Variants in NELL1 observed in about 807,000 individuals in gnomAD.
NELL1 encodes neural EGFL like 1.
Under a neutral mutation model 107.4 loss-of-function variants are expected in NELL1, and 76 were observed. The observed-to-expected ratio is 0.71, with a 90% confidence interval of 0.59 to 0.86. The LOEUF is 0.86. NELL1 is among the 40% of genes least tolerant of loss of function. The probability of loss-of-function intolerance (pLI) is 0.00; values close to 1 mark genes in which losing one functional copy is unlikely to be tolerated. For synonymous variants in NELL1, 353 were observed against 341.2 expected (o/e 1.03, Z -0.38); for missense variants, 1,024 against 1,005.5 (o/e 1.02, Z -0.25).
chr11:21,193,442 G>A (rs985826563), intron 13 of NELL1, among the ~76,000 whole-genome samples: 2 of 151,582 alleles, frequency 1.3e-5, no homozygotes, highest in African/African-American at 4.9e-5. Context: ...TATATATAAG[G>A]CATTTTGTCA....
chr11:20,803,434 T>G (rs1762885124), intron 3 of NELL1, among the ~76,000 whole-genome samples: 2 of 152,198 alleles, frequency 1.3e-5, no homozygotes, highest in South Asian at 4.1e-4. Context: ...ATTTGTTATC[T>G]CTTTTTTCTC....
intron 2 of NELL1, among the ~76,000 whole-genome samples, chr11:20,733,821 T>C (rs966498120): frequency 2.6e-5 from 4 of 152,236 alleles, no homozygotes; most frequent in Non-Finnish European, 5.9e-5. Context: ...TTACTAGTTA[T>C]TGTTTTAGGT....
chr11:21,002,370 A>G (rs1457196586), intron 12 of NELL1, among the ~76,000 whole-genome samples: 1 of 152,208 alleles, frequency 6.6e-6, no homozygotes, highest in East Asian at 1.9e-4. Flanking sequence ...TCTTTGGTAA[A>G]TATTATGCCT....
chr11:21,435,612 T>C (rs1011813050), intron 15 of NELL1, among the ~76,000 whole-genome samples: 1 of 152,196 alleles, frequency 6.6e-6, no homozygotes, highest in African/African-American at 2.4e-5. Context: ...ATGTTCTTCA[T>C]TCTGTTGATC....
intron 12 of NELL1, among the ~76,000 whole-genome samples, chr11:20,974,439 G>A (rs1014584425): frequency 4.0e-5 from 6 of 151,338 alleles, no homozygotes; most frequent in Admixed American, 6.6e-5. Context: ...CCTATAAGAC[G>A]ATCCAGAGGA....
At chr11:21,372,670 A>C (rs937232158) in intron 15 of NELL1, among the ~76,000 whole-genome samples, 1 of 151,898 alleles carries the variant, frequency 6.6e-6, no homozygotes, top group Non-Finnish European at 1.5e-5. Flanking sequence ...CACCTCTCCA[A>C]ACTAGATGGA....
At chr11:21,362,823 T>C (rs34252255) in intron 14 of NELL1, among the ~76,000 whole-genome samples, 72,408 of 151,556 alleles carry the variant, frequency 0.48, 17,433 homozygotes, top group Middle Eastern at 0.54. Flanking sequence ...ACGCAAGTCT[T>C]GGCTCAGACT....
intron 2 of NELL1, among the ~76,000 whole-genome samples, chr11:20,722,614 T>C: frequency 6.6e-6 from 1 of 152,282 alleles, no homozygotes; most frequent in Non-Finnish European, 1.5e-5. Flanking sequence ...TTTAGCACAG[T>C]GGCAGGCTCA....
chr11:21,493,366 A>C (rs902368557), intron 15 of NELL1, among the ~76,000 whole-genome samples: 1 of 152,180 alleles, frequency 6.6e-6, no homozygotes, highest in Non-Finnish European at 1.5e-5. Context: ...TGAATAAAGT[A>C]AATGTGGCAT....
chr11:21,419,642 C>CA (rs61642071), intron 15 of NELL1, among the ~76,000 whole-genome samples: 4,614 of 152,198 alleles, frequency 0.03, 246 homozygotes, highest in African/African-American at 0.1. Context: ...GCTTAATGCA[C>CA]TATTTATAAT....
chr11:21,349,023 C>G (rs935349073), intron 14 of NELL1, among the ~76,000 whole-genome samples: 3 of 152,152 alleles, frequency 2.0e-5, no homozygotes, highest in Non-Finnish European at 4.4e-5. Flanking sequence ...AACAGGAAAT[C>G]AGGTGTGTCT....
chr11:21,123,377 G>T (rs1855416769), intron 13 of NELL1, among the ~76,000 whole-genome samples: 1 of 150,982 alleles, frequency 6.6e-6, no homozygotes, highest in Non-Finnish European at 1.5e-5. Flanking sequence ...GCGTTTCCAT[G>T]TATGTGTAGA....
chr11:20,859,261 C>A (rs1006522479), intron 4 of NELL1, among the ~76,000 whole-genome samples: 23 of 152,314 alleles, frequency 1.5e-4, no homozygotes, highest in South Asian at 2.1e-4. Flanking sequence ...AGGCCAAAAT[C>A]CACCTTGTTA....
At chr11:21,383,544 A>G (rs1209919936) in intron 15 of NELL1, among the ~76,000 whole-genome samples, 1 of 151,772 alleles carries the variant, frequency 6.6e-6, no homozygotes, top group East Asian at 1.9e-4. Context: ...CCTTAAAGAA[A>G]TCTTAAACTG....
At chr11:21,395,057 C>G (rs1851952582) in intron 15 of NELL1, among the ~76,000 whole-genome samples, 1 of 151,414 alleles carries the variant, frequency 6.6e-6, no homozygotes, top group Non-Finnish European at 1.5e-5. Context: ...AAGTAAATTT[C>G]ACAGTTCTAT....
intron 13 of NELL1, among the ~76,000 whole-genome samples, chr11:21,202,257 G>A (rs1036568691): frequency 6.6e-6 from 1 of 152,120 alleles, no homozygotes; most frequent in Non-Finnish European, 1.5e-5. Context: ...GTCTGGTCCT[G>A]GACTTTTTTT....
chr11:21,084,473 G>A (rs953709373), intron 12 of NELL1, among the ~76,000 whole-genome samples: 2 of 152,142 alleles, frequency 1.3e-5, no homozygotes, highest in Admixed American at 6.6e-5. Flanking sequence ...CTCTTATAGT[G>A]ATCGCTTGAT....
intron 14 of NELL1, among the ~76,000 whole-genome samples, chr11:21,269,996 A>G (rs562892755): frequency 6.6e-6 from 1 of 152,214 alleles, no homozygotes; most frequent in African/African-American, 2.4e-5. Context: ...GCTGGGATTA[A>G]TTATAAATGT....
At chr11:20,868,981 T>C (rs1266900244) in intron 4 of NELL1, among the ~76,000 whole-genome samples, 1 of 152,238 alleles carries the variant, frequency 6.6e-6, no homozygotes, top group African/African-American at 2.4e-5. Flanking sequence ...GAGTTAAGTG[T>C]TGGTGTATTA....
Sources: gnomAD v4.1 joint callset for allele counts (sites outside exome capture counted in the v4.1 genomes callset) on GRCh38, gnomAD v4.1.1 for gene constraint, MANE v1.5 for transcripts, NCBI Gene and HGNC (gene_info 2026-07-23, HGNC 2026-07-21) for gene names.